RAPGEF5: variants seen among roughly 807,000 people sequenced by gnomAD.
RAPGEF5 encodes the protein M-Ras-regulated GEF.
Under a neutral mutation model 125.2 loss-of-function variants are expected in RAPGEF5, and 65 were observed. That is an observed-to-expected ratio of 0.52 (90% CI 0.43 to 0.64). The LOEUF is 0.64. Among genes scored for constraint, RAPGEF5 ranks in the 30% least tolerant of loss-of-function variants. The pLI, the probability that RAPGEF5 is intolerant of heterozygous loss-of-function variation, is 0.00. For synonymous variants in RAPGEF5, 391 were observed against 385.9 expected, an observed-to-expected ratio of 1.01 and a Z score of -0.16; for missense variants, 958 against 1,048.1, an observed-to-expected ratio of 0.91 and a Z score of 1.19.
chr7:22,238,189 G>C, intron 7 of RAPGEF5, among the ~76,000 whole-genome samples: 1 of 152,152 alleles, frequency 6.6e-6, no homozygotes, highest in East Asian at 1.9e-4. Context: ...GCCAACATTT[G>C]TTAAATATCT....
At chr7:22,212,140 A>AT (rs1315743500) in intron 9 of RAPGEF5, among the ~76,000 whole-genome samples, 4 of 151,822 alleles carry the variant, frequency 2.6e-5, no homozygotes, top group Admixed American at 1.3e-4. Context: ...TGCCTGGCTA[A>AT]TTTTTTGTAT....
At chr7:22,291,053 C>G in intron 6 of RAPGEF5, 122 bp downstream of exon 6, 1 of 1,150,066 alleles carries the variant, frequency 8.7e-7, no homozygotes, top group Non-Finnish European at 1.2e-6. Context: ...CCTCATACCT[C>G]CCACAATGAT....
chr7:22,243,629 A>C (rs1053584492), intron 7 of RAPGEF5, among the ~76,000 whole-genome samples: 8 of 152,208 alleles, frequency 5.3e-5, no homozygotes, highest in Non-Finnish European at 7.3e-5. Context: ...ATTGACAAAT[A>C]AGAGTTGTAT....
intron 9 of RAPGEF5, among the ~76,000 whole-genome samples, chr7:22,209,631 T>C (rs934403150): frequency 1.4e-4 from 22 of 152,202 alleles, no homozygotes; most frequent in African/African-American, 5.1e-4. Context: ...CCATTTATTT[T>C]TTGCTGGCCA....
chr7:22,212,936 T>C (rs367573782), intron 9 of RAPGEF5, among the ~76,000 whole-genome samples: 1 of 152,226 alleles, frequency 6.6e-6, no homozygotes, highest in Non-Finnish European at 1.5e-5. Context: ...GCAGATGATA[T>C]GGCTATTTTA....
intron 6 of RAPGEF5, among the ~76,000 whole-genome samples, chr7:22,282,591 G>A (rs904775076): frequency 1.3e-5 from 2 of 152,044 alleles, no homozygotes; most frequent in African/African-American, 2.4e-5. Flanking sequence ...AATTAATAAC[G>A]CCTGTCTCAA....
intron 1 of RAPGEF5, among the ~76,000 whole-genome samples, chr7:22,353,477 T>G (rs1328037968): frequency 6.6e-6 from 1 of 152,206 alleles, no homozygotes; most frequent in Non-Finnish European, 1.5e-5. Flanking sequence ...GACAACATGA[T>G]GTACGGAATT....
At chr7:22,237,222 T>C (rs184417785) in intron 7 of RAPGEF5, among the ~76,000 whole-genome samples, 1 of 152,202 alleles carries the variant, frequency 6.6e-6, no homozygotes, top group East Asian at 1.9e-4. Context: ...GTACACTTGA[T>C]ATTTTTTAGT....
chr7:22,348,798 A>G (rs1483038945), intron 1 of RAPGEF5, among the ~76,000 whole-genome samples: 1 of 152,234 alleles, frequency 6.6e-6, no homozygotes. Context: ...CTTAGATATA[A>G]GTGATGGATT....
At chr7:22,337,649 G>A (rs187524706) in intron 1 of RAPGEF5, among the ~76,000 whole-genome samples, 1 of 152,306 alleles carries the variant, frequency 6.6e-6, no homozygotes, top group African/African-American at 2.4e-5. Context: ...AGGGCAGTCT[G>A]GAGGTTCAAG....
Position 22,191,638 on chromosome 7 carries a change from T to A in RAPGEF5, c.1204+1729A>T, listed in dbSNP as rs913542611. ...TGACACATGTGATCCCAGGGGTTGG[T>A]ATAACTGAGAAGAAAGCAAGAATAA... is the stretch of plus-strand genomic sequence containing the variant. On this transcript the variant is annotated intron_variant, in intron 11 of 25. Transcript: ENST00000665637. 6.4e-6 allele frequency: 3 copies of A among 470,864 alleles called. No homozygotes were observed. In the Admixed American group the frequency reaches 7.0e-5, roughly 11 times the overall value. 29.2% of individuals were successfully genotyped at this position (470,864 alleles called of 1,614,324 possible).
At chr7:22,140,817 C>A (rs1783234410) in intron 20 of RAPGEF5, among the ~76,000 whole-genome samples, 1 of 152,156 alleles carries the variant, frequency 6.6e-6, no homozygotes, top group Admixed American at 6.6e-5. Flanking sequence ...GCAGGGGGAG[C>A]TCGGGATTTC....
chr7:22,239,417 C>G (rs961859298), intron 7 of RAPGEF5, among the ~76,000 whole-genome samples: 1 of 152,088 alleles, frequency 6.6e-6, no homozygotes, highest in Non-Finnish European at 1.5e-5. Context: ...TCAGACAGCC[C>G]AATAAATCTA....
intron 9 of RAPGEF5, among the ~76,000 whole-genome samples, chr7:22,211,963 CTTT>C (rs749576250): frequency 0.086 from 9,815 of 114,048 alleles, 388 homozygotes; most frequent in Middle Eastern, 0.15. Context: ...CATGTGTTCT[CTTT>C]TTTTTTTTTT....
intron 22 of RAPGEF5, among the ~76,000 whole-genome samples, chr7:22,136,529 G>GT (rs1028335945): frequency 4.6e-5 from 7 of 151,804 alleles, no homozygotes; most frequent in South Asian, 2.1e-4. Context: ...AGAGGATACT[G>GT]TTTTTTTGTA....
intron 11 of RAPGEF5, among the ~76,000 whole-genome samples, chr7:22,169,790 G>A (rs1784288143): frequency 6.9e-6 from 1 of 145,824 alleles, no homozygotes; most frequent in Non-Finnish European, 1.5e-5. Flanking sequence ...AACTCAGGCG[G>A]TGGAAGTTGC....
intron 19 of RAPGEF5, 127 bp from the exon 20 acceptor site, chr7:22,145,349 T>C: frequency 2.4e-6 from 2 of 850,028 alleles, no homozygotes; most frequent in Non-Finnish European, 3.5e-6. Context: ...ACAGAGAACA[T>C]GGTGAATAGT....
chr7:22,128,661 T>C (rs1309524002), intron 24 of RAPGEF5, among the ~76,000 whole-genome samples: 1 of 152,164 alleles, frequency 6.6e-6, no homozygotes. Context: ...CTTTTTGTCC[T>C]GGACACAGTT....
chr7:22,153,610 TCTCC>T (rs1783703210), intron 17 of RAPGEF5, among the ~76,000 whole-genome samples: 1 of 152,152 alleles, frequency 6.6e-6, no homozygotes, highest in Non-Finnish European at 1.5e-5. Flanking sequence ...CTGATATTCA[TCTCC>T]CAACTGCAGA....
Sources: allele counts gnomAD v4.1 joint callset (sites outside exome capture counted in the v4.1 genomes callset), GRCh38; gene constraint gnomAD v4.1.1; transcripts MANE v1.5; gene names NCBI Gene and HGNC (gene_info 2026-07-23, HGNC 2026-07-21).